TXNRD3: variants seen among roughly 807,000 people sequenced by gnomAD.
TXNRD3 encodes the protein thioredoxin reductase 3.
Under a neutral mutation model 78.2 loss-of-function variants are expected in TXNRD3, and 68 were observed. The observed-to-expected ratio is 0.87, with a 90% CI of 0.72 to 1.06. TXNRD3 has a LOEUF of 1.06. TXNRD3 is among the 50% of genes least tolerant of loss of function. The pLI, the probability that TXNRD3 is intolerant of heterozygous loss-of-function variation, is 0.00. For missense variants in TXNRD3, 751 were observed against 809.5 expected (o/e 0.93, Z 0.88); for synonymous variants, 296 against 300.1 (o/e 0.99, Z 0.14).
intron 11 of TXNRD3, 147 bp from the exon 12 acceptor site, chr3:126,622,045 G>T: frequency 1.6e-6 from 1 of 625,744 alleles, no homozygotes; most frequent in Non-Finnish European, 2.5e-6. Context: ...TAAGGTCAAT[G>T]ACTTAAAGTA....
intron 1 of TXNRD3, among the ~76,000 whole-genome samples, chr3:126,649,391 G>A (rs1933319330): frequency 6.6e-6 from 1 of 152,198 alleles, no homozygotes; most frequent in Admixed American, 6.5e-5. Flanking sequence ...GTGCACTTTA[G>A]TGGGAATGTA....
chr3:126,650,475 T>C (rs1379687900), intron 1 of TXNRD3, among the ~76,000 whole-genome samples: 2 of 151,988 alleles, frequency 1.3e-5, no homozygotes, highest in East Asian at 3.9e-4. Flanking sequence ...ACACTGTCTG[T>C]ACAAAAAATG....
chr3:126,638,854 G>C (rs1443858248), intron 6 of TXNRD3, among the ~76,000 whole-genome samples: 1 of 152,230 alleles, frequency 6.6e-6, no homozygotes, highest in East Asian at 1.9e-4. Flanking sequence ...ACTTAGAACA[G>C]AATTAACGTC....
intron 8 of TXNRD3, among the ~76,000 whole-genome samples, chr3:126,631,251 G>A (rs1175830584): frequency 6.6e-6 from 1 of 151,900 alleles, no homozygotes; most frequent in Non-Finnish European, 1.5e-5. Flanking sequence ...TATGTGCTAT[G>A]TGAAGAGGTG....
At chr3:126,646,858 A>G (rs989068058) in intron 2 of TXNRD3, among the ~76,000 whole-genome samples, 28 of 152,228 alleles carry the variant, frequency 1.8e-4, no homozygotes, top group Admixed American at 1.4e-3. Flanking sequence ...AAAAGTATAA[A>G]GCTAAAAACT....
intron 14 of TXNRD3, among the ~76,000 whole-genome samples, chr3:126,610,180 G>A (rs1284116266): frequency 6.6e-6 from 1 of 152,164 alleles, no homozygotes; most frequent in East Asian, 1.9e-4. Context: ...GCAACACCCT[G>A]TTTTCTGTTA....
At chr3:126,614,543 T>C (rs1312932941) in intron 13 of TXNRD3, among the ~76,000 whole-genome samples, 2 of 152,212 alleles carry the variant, frequency 1.3e-5, no homozygotes, top group Non-Finnish European at 2.9e-5. Context: ...AACAGTTAGT[T>C]ATAAACGCTG....
chr3:126,647,134 C>A, intron 2 of TXNRD3, 102 bp downstream of exon 2: 1 of 894,724 alleles, frequency 1.1e-6, no homozygotes, highest in South Asian at 2.1e-5. Context: ...CCTCATTTAA[C>A]CCGAAGACAA....
At chr3:126,620,239 G>T (rs1287079205) in intron 12 of TXNRD3, among the ~76,000 whole-genome samples, 1 of 148,938 alleles carries the variant, frequency 6.7e-6, no homozygotes, top group African/African-American at 2.5e-5. Context: ...AGCTTGCAGT[G>T]AGCAGAGATC....
At chr3:126,653,022 C>T (rs889732270) in intron 1 of TXNRD3, among the ~76,000 whole-genome samples, 13 of 152,216 alleles carry the variant, frequency 8.5e-5, no homozygotes, top group African/African-American at 3.1e-4. Flanking sequence ...TAGAACCCAA[C>T]CTCTCCTGAC....
Position 126,630,232 on chromosome 3 carries a change from G to C in TXNRD3, c.1197+480C>G, listed in dbSNP as rs180699107. The stretch of plus-strand genomic sequence containing the variant: ...TTTGATGACAGGAAGTTTGCTAAAA[G>C]CCTGACAATCAGCTTCAAAGAAGTG... On this transcript the variant is annotated intron_variant, in intron 9 of 15. Transcript: ENST00000524230. 1.3e-4 allele frequency among the ~76,000 whole-genome samples: 20 copies of C among 152,356 alleles called. No homozygotes were observed. In the East Asian group the frequency reaches 3.7e-3, roughly 28 times the overall value.
chr3:126,614,899 T>C (rs1445515613), intron 13 of TXNRD3, among the ~76,000 whole-genome samples: 1 of 152,086 alleles, frequency 6.6e-6, no homozygotes, highest in East Asian at 1.9e-4. Context: ...TAAGAAAATA[T>C]TTTTAAGGTT....
At chr3:126,644,130 G>A (rs377684531) in intron 4 of TXNRD3, 77 bp from the exon 5 acceptor site, 96 of 1,455,484 alleles carry the variant, frequency 6.6e-5, no homozygotes, top group South Asian at 3.6e-4. Context: ...TTTGTCTTCC[G>A]TAAAAGACTG....
chr3:126,634,659 G>C (rs1938809438), intron 6 of TXNRD3, among the ~76,000 whole-genome samples: 1 of 152,138 alleles, frequency 6.6e-6, no homozygotes. Flanking sequence ...TATCTTCTAG[G>C]TGGGATTTAC....
Position 126,607,845 on chromosome 3 carries a change from G to C in TXNRD3, c.*60C>G. 2.2e-6 allele frequency: 3 copies of C among 1,381,666 alleles called. No homozygotes were observed. Among genetic ancestry groups the C allele is most frequent in the Non-Finnish European group, 2.9e-6 (3 of 1,020,644 alleles). 85.6% of individuals were successfully genotyped at this position (1,381,666 alleles called of 1,614,324 possible). A position where few individuals can be genotyped will look rare whatever the true frequency, so the allele number is the denominator to read the frequency against. ...ATGAGCACAGGCTCATTTTATCCGA[G>C]AGCATTCTTATCTTTGAGAGAAATG... On this transcript the variant is annotated 3_prime_UTR_variant, in exon 16 of 16. Coordinates refer to ENST00000524230, the MANE Select transcript of TXNRD3 (RefSeq NM_052883.3).
At chr3:126,621,925 T>C in intron 11 of TXNRD3, 27 bp from the exon 12 acceptor site, 1 of 1,479,358 alleles carries the variant, frequency 6.8e-7, no homozygotes, top group South Asian at 1.4e-5. Flanking sequence ...TGGGAAAAAA[T>C]ATATATTACA....
chr3:126,610,083 T>C (rs1051430300), intron 14 of TXNRD3, among the ~76,000 whole-genome samples: 1 of 152,128 alleles, frequency 6.6e-6, no homozygotes, highest in Non-Finnish European at 1.5e-5. Context: ...CCTGTAGCCA[T>C]ATGCAACTAC....
chr3:126,631,470 T>C (rs1938712462), intron 8 of TXNRD3, among the ~76,000 whole-genome samples: 1 of 152,064 alleles, frequency 6.6e-6, no homozygotes, highest in South Asian at 2.1e-4. Flanking sequence ...GAGCTAACTG[T>C]ATTTACTTCT....
chr3:126,609,527 G>A (rs1259032953), intron 14 of TXNRD3, among the ~76,000 whole-genome samples: 1 of 152,186 alleles, frequency 6.6e-6, no homozygotes, highest in Non-Finnish European at 1.5e-5. Flanking sequence ...TGAAGGTCCT[G>A]AGTGAGGAAA....
Sources: gnomAD v4.1 joint callset for allele counts (sites outside exome capture counted in the v4.1 genomes callset) on GRCh38, gnomAD v4.1.1 for gene constraint, MANE v1.5 for transcripts, NCBI Gene and HGNC (gene_info 2026-07-23, HGNC 2026-07-21) for gene names.